The following UBE2R2 variants were observed in gnomAD, a reference collection of about 807,000 sequenced individuals.
UBE2R2 encodes ubiquitin conjugating enzyme E2 R2.
UBE2R2 carries 1 observed loss-of-function variant against 27.8 expected under a neutral mutation model. The ratio of observed to expected loss-of-function variants is 0.04; its 90% CI spans 0.01 to 0.17. UBE2R2 has a LOEUF of 0.17. Ranked by LOEUF, UBE2R2 falls within the 10% of genes least tolerant of loss-of-function variation. The pLI is 1.00. For synonymous variants in UBE2R2, 106 were observed against 113.3 expected (o/e 0.94, Z 0.41); for missense variants, 100 against 291.0 (o/e 0.34, Z 4.78).
At position 33,851,655 on chromosome 9, in the gene UBE2R2, A is replaced by T. The variant is rs189633328; in HGVS notation, c.177+33721A>T. Among the ~76,000 whole-genome samples the T allele has an allele frequency of 2.0e-5, 3 of 152,278 alleles. No individual in the cohort carries two copies. In the South Asian group the frequency reaches 6.2e-4, roughly 32 times the overall value. On this transcript the variant is annotated intron_variant, in intron 1 of 4. Coordinates refer to ENST00000263228, the MANE Select transcript of UBE2R2 (RefSeq NM_017811.4). ...GTGATGTCCACTTGGGTCACTTAGAAGATGTTTGCCAAGCTTCTCCACTAT... is the reference window on the plus strand; with the variant it reads ...GTGATGTCCACTTGGGTCACTTAGATGATGTTTGCCAAGCTTCTCCACTAT...
chr9:33,906,383 A>G (rs1259703276), intron 3 of UBE2R2, among the ~76,000 whole-genome samples: 2 of 152,074 alleles, frequency 1.3e-5, no homozygotes, highest in South Asian at 2.1e-4. Context: ...CGGCCTCCCA[A>G]AGTGCTGGGA....
intron 1 of UBE2R2, among the ~76,000 whole-genome samples, chr9:33,838,366 A>G (rs1375946528): frequency 1.4e-5 from 2 of 146,678 alleles, no homozygotes; most frequent in Admixed American, 6.9e-5. Flanking sequence ...TATAATGTTT[A>G]TATATATGTA....
intron 1 of UBE2R2, among the ~76,000 whole-genome samples, chr9:33,873,940 C>T (rs994461936): frequency 1.4e-5 from 2 of 141,088 alleles, no homozygotes; most frequent in African/African-American, 5.3e-5. Context: ...AGCCACTGTG[C>T]CTGGCCTAAA....
At chr9:33,886,997 G>A in intron 2 of UBE2R2, 30 bp downstream of exon 2, 1 of 1,556,240 alleles carries the variant, frequency 6.4e-7, no homozygotes, top group Non-Finnish European at 8.7e-7. Context: ...AAATTTCTCT[G>A]AAGATTTTTT....
At chr9:33,828,728 A>C (rs1046864969) in intron 1 of UBE2R2, among the ~76,000 whole-genome samples, 1 of 127,588 alleles carries the variant, frequency 7.8e-6, no homozygotes, top group African/African-American at 3.1e-5. Flanking sequence ...TGCCCAGCTA[A>C]TTTTTGTAGT....
intron 1 of UBE2R2, among the ~76,000 whole-genome samples, chr9:33,869,640 G>A (rs1821440539): frequency 6.6e-6 from 1 of 151,672 alleles, no homozygotes; most frequent in African/African-American, 2.4e-5. Context: ...GTAGAGACGG[G>A]GTTTTCACCA....
intron 1 of UBE2R2, among the ~76,000 whole-genome samples, chr9:33,851,204 A>G (rs1820960308): frequency 6.6e-6 from 1 of 150,848 alleles, no homozygotes; most frequent in African/African-American, 2.4e-5. Context: ...CAAACTTACA[A>G]ATTCAAAGAA....
At position 33,845,332 on chromosome 9, in the gene UBE2R2, C is replaced by T. The variant is rs538068936; in HGVS notation, c.177+27398C>T. Among the ~76,000 whole-genome samples the T allele has an allele frequency of 1.6e-4, 24 of 151,738 alleles. No individual in the cohort carries two copies. In the South Asian group the frequency reaches 2.1e-3, roughly 13 times the overall value. On this transcript the variant is annotated intron_variant, in intron 1 of 4. Coordinates refer to ENST00000263228, the MANE Select transcript of UBE2R2 (RefSeq NM_017811.4). ...CACGATCTTGGCTCACTGCAAGCTC[C>T]GCCTCCCGGGTTCACGCCATTCTCC...
intron 1 of UBE2R2, among the ~76,000 whole-genome samples, chr9:33,857,943 T>A (rs1178186456): frequency 6.6e-6 from 1 of 152,218 alleles, no homozygotes; most frequent in African/African-American, 2.4e-5. Context: ...TATGGGAATA[T>A]GTTCTTTCAT....
chr9:33,856,222 A>G (rs534581890), intron 1 of UBE2R2, among the ~76,000 whole-genome samples: 9 of 151,884 alleles, frequency 5.9e-5, no homozygotes, highest in Non-Finnish European at 1.2e-4. Context: ...TAGCCCTCCT[A>G]CTCCCGGTCA....
At chr9:33,851,559 T>A (rs1042388162) in intron 1 of UBE2R2, among the ~76,000 whole-genome samples, 2 of 152,176 alleles carry the variant, frequency 1.3e-5, no homozygotes, top group African/African-American at 4.8e-5. Flanking sequence ...CTCCTTCAAT[T>A]TGGGTAAATT....
chr9:33,912,115 T>TA lies in UBE2R2; in HGVS notation c.497+18dup. The TA allele has an allele frequency of 6.4e-7, 1 of 1,558,356 alleles. No homozygotes were observed. The highest frequency in any genetic ancestry group is 2.2e-5 in the East Asian group (1 of 44,688). ...AATTATTAGGTAAGGTTTTTTTTTT[T>TA]ATTACCTCAAGTTATACAAAACCAA... On this transcript the variant is annotated intron_variant, in intron 4 of 4. Coordinates refer to ENST00000263228, the MANE Select transcript of UBE2R2 (RefSeq NM_017811.4).
intron 1 of UBE2R2, among the ~76,000 whole-genome samples, chr9:33,823,241 T>C (rs905011773): frequency 5.9e-5 from 9 of 151,850 alleles, no homozygotes; most frequent in Admixed American, 5.9e-4. Context: ...TCTCGCTATG[T>C]TGTCCAGGCT....
chr9:33,869,930 TC>T (rs767328994), intron 1 of UBE2R2, among the ~76,000 whole-genome samples: 6 of 152,134 alleles, frequency 3.9e-5, no homozygotes, highest in Non-Finnish European at 7.3e-5. Context: ...CACCGAAACA[TC>T]CGCCTCCTGG....
intron 1 of UBE2R2, among the ~76,000 whole-genome samples, chr9:33,829,276 G>T (rs1342827441): frequency 6.6e-6 from 1 of 152,182 alleles, no homozygotes; most frequent in Non-Finnish European, 1.5e-5. Flanking sequence ...TTAGCAAATT[G>T]ATTTCTTTAA....
intron 2 of UBE2R2, among the ~76,000 whole-genome samples, chr9:33,896,500 T>A (rs1408716303): frequency 6.6e-6 from 1 of 152,002 alleles, no homozygotes. Flanking sequence ...TGGAGTGCAG[T>A]AATACGATCT....
chr9:33,828,648 G>A (rs1192993546), intron 1 of UBE2R2, among the ~76,000 whole-genome samples: 8 of 151,998 alleles, frequency 5.3e-5, no homozygotes, highest in Admixed American at 3.3e-4. Context: ...TGCAATCTCC[G>A]CCTCCCTGGT....
At chr9:33,820,403 G>C (rs1825959593) in intron 1 of UBE2R2, among the ~76,000 whole-genome samples, 1 of 152,196 alleles carries the variant, frequency 6.6e-6, no homozygotes, top group African/African-American at 2.4e-5. Context: ...GTTTAGTCTT[G>C]TGTGAGAAGT....
chr9:33,885,871 G>A (rs994837601), intron 1 of UBE2R2, among the ~76,000 whole-genome samples: 2 of 152,090 alleles, frequency 1.3e-5, no homozygotes, highest in Admixed American at 1.3e-4. Flanking sequence ...TAAAATACGG[G>A]GATACTGCAA....
Sources: allele counts gnomAD v4.1 joint callset (sites outside exome capture counted in the v4.1 genomes callset), GRCh38; gene constraint gnomAD v4.1.1; transcripts MANE v1.5; gene names NCBI Gene and HGNC (gene_info 2026-07-23, HGNC 2026-07-21).